The following MBD5 variants were observed in gnomAD, a reference collection of about 807,000 sequenced individuals.
The protein encoded by MBD5 is methyl-CpG binding domain protein 5.
In MBD5, 13 loss-of-function variants were observed where a neutral mutation model predicts 117.3. The ratio of observed to expected loss-of-function variants is 0.11; its 90% confidence interval spans 0.07 to 0.18. The LOEUF (loss-of-function observed/expected upper bound fraction) is 0.18. Ranked by LOEUF, MBD5 falls within the 10% of genes least tolerant of loss-of-function variation. The pLI, the probability that MBD5 is intolerant of heterozygous loss-of-function variation, is 1.00. For missense variants in MBD5, 1,879 were observed against 2,093.8 expected, an observed-to-expected ratio of 0.90 and a Z score of 2.00; for synonymous variants, 727 against 766.4, an observed-to-expected ratio of 0.95 and a Z score of 0.85.
At chr2:148,139,015 G>T (rs920428930) in intron 1 of MBD5, among the ~76,000 whole-genome samples, 1 of 152,128 alleles carries the variant, frequency 6.6e-6, no homozygotes, top group Admixed American at 6.5e-5. Flanking sequence ...TCTTTGTGAC[G>T]TTACTAATGT....
At chr2:148,116,985 A>T (rs530925298) in intron 1 of MBD5, among the ~76,000 whole-genome samples, 1 of 152,302 alleles carries the variant, frequency 6.6e-6, no homozygotes, top group South Asian at 2.1e-4. Context: ...CTATACATTA[A>T]GGTAGATCAG....
chr2:148,187,486 T>C (rs1698693403), intron 2 of MBD5, among the ~76,000 whole-genome samples: 3 of 151,876 alleles, frequency 2.0e-5, no homozygotes, highest in Admixed American at 6.6e-5. Flanking sequence ...TAACTTCAAA[T>C]AGAAAAGAAA....
At chr2:148,275,424 T>C (rs1397242771) in intron 3 of MBD5, among the ~76,000 whole-genome samples, 2 of 152,138 alleles carry the variant, frequency 1.3e-5, no homozygotes, top group African/African-American at 4.8e-5. Flanking sequence ...TTTTAAGGAA[T>C]TATCTCACGG....
chr2:148,132,406 C>T (rs1697073095), intron 1 of MBD5, among the ~76,000 whole-genome samples: 1 of 150,044 alleles, frequency 6.7e-6, no homozygotes, highest in South Asian at 2.1e-4. Context: ...TTTTACCTTA[C>T]TGTAAACAAA....
intron 2 of MBD5, among the ~76,000 whole-genome samples, chr2:148,212,587 G>T (rs764992316): frequency 7.2e-5 from 11 of 151,976 alleles, no homozygotes; most frequent in Non-Finnish European, 1.2e-4. Flanking sequence ...ACATTAAAAA[G>T]GTGTGTGTAT....
chr2:148,505,119 T>G (rs1459571900), intron 12 of MBD5, among the ~76,000 whole-genome samples: 1 of 151,562 alleles, frequency 6.6e-6, no homozygotes, highest in Non-Finnish European at 1.5e-5. Context: ...ACTTAGGAGG[T>G]AAAATAGACA....
At chr2:148,055,363 T>A (rs1431533978) in intron 1 of MBD5, 1 of 152,120 alleles carries the variant, frequency 6.6e-6, no homozygotes, top group East Asian at 1.9e-4. Context: ...AAGGATCTAA[T>A]TATTTTTGCC....
At chr2:148,238,503 G>T (rs979254341) in intron 3 of MBD5, among the ~76,000 whole-genome samples, 2 of 152,052 alleles carry the variant, frequency 1.3e-5, no homozygotes, top group Admixed American at 6.6e-5. Flanking sequence ...TCTGAAAAAT[G>T]GATTCAATAC....
intron 3 of MBD5, among the ~76,000 whole-genome samples, chr2:148,270,863 C>G (rs1700969271): frequency 6.6e-6 from 1 of 152,156 alleles, no homozygotes; most frequent in Non-Finnish European, 1.5e-5. Context: ...TCACTCAGCA[C>G]TCCTTCTGAT....
intron 3 of MBD5, among the ~76,000 whole-genome samples, chr2:148,254,407 A>C (rs1700535142): frequency 6.6e-6 from 1 of 152,176 alleles, no homozygotes; most frequent in African/African-American, 2.4e-5. Context: ...TGGAATTCAG[A>C]ACCTGAGTGG....
At chr2:148,199,015 T>C (rs12994607) in intron 2 of MBD5, among the ~76,000 whole-genome samples, 46,813 of 151,808 alleles carry the variant, frequency 0.31, 8,363 homozygotes, top group East Asian at 0.46. Context: ...TATTTATGCA[T>C]GTATATGTAC....
chr2:148,262,298 A>G (rs1314149806), intron 3 of MBD5, among the ~76,000 whole-genome samples: 1 of 152,134 alleles, frequency 6.6e-6, no homozygotes, highest in Non-Finnish European at 1.5e-5. Context: ...AGATCAAGGA[A>G]TGTTTACCAG....
intron 2 of MBD5, among the ~76,000 whole-genome samples, chr2:148,225,776 C>T (rs1699803150): frequency 6.6e-6 from 1 of 152,148 alleles, no homozygotes; most frequent in South Asian, 2.1e-4. Context: ...ATATGTCATG[C>T]CATTCTCTCT....
chr2:148,187,160 G>A (rs562558019), intron 2 of MBD5, among the ~76,000 whole-genome samples: 14 of 152,328 alleles, frequency 9.2e-5, no homozygotes, highest in African/African-American at 3.4e-4. Context: ...GTTTGGGGCT[G>A]TAGTGTGCTA....
chr2:148,180,479 G>A (rs1360458911), intron 2 of MBD5, among the ~76,000 whole-genome samples: 1 of 151,568 alleles, frequency 6.6e-6, no homozygotes, highest in Admixed American at 6.6e-5. Flanking sequence ...TAGGACTGCA[G>A]GTGTGCATTA....
intron 4 of MBD5, among the ~76,000 whole-genome samples, chr2:148,444,825 C>G (rs940092445): frequency 6.6e-6 from 1 of 150,924 alleles, no homozygotes; most frequent in African/African-American, 2.5e-5. Flanking sequence ...GCTCCCCAGA[C>G]AGTAAGCTCC....
intron 1 of MBD5, among the ~76,000 whole-genome samples, chr2:148,069,601 CA>C (rs1370207327): frequency 6.6e-6 from 1 of 151,920 alleles, no homozygotes; most frequent in Non-Finnish European, 1.5e-5. Flanking sequence ...GGAACTAGAG[CA>C]GGCAGTTTTT....
At chr2:148,466,350 C>T (rs1200323844) in intron 7 of MBD5, among the ~76,000 whole-genome samples, 1 of 152,066 alleles carries the variant, frequency 6.6e-6, no homozygotes, top group East Asian at 1.9e-4. Flanking sequence ...ATTTCAGTTA[C>T]TTTTAAAATG....
At chr2:148,270,934 T>C (rs1700971370) in intron 3 of MBD5, among the ~76,000 whole-genome samples, 1 of 152,174 alleles carries the variant, frequency 6.6e-6, no homozygotes, top group Admixed American at 6.5e-5. Flanking sequence ...TTTATTCCTT[T>C]TCCTTATTGT....
Sources: gnomAD v4.1 joint callset for allele counts (sites outside exome capture counted in the v4.1 genomes callset) on GRCh38, gnomAD v4.1.1 for gene constraint, MANE v1.5 for transcripts, NCBI Gene and HGNC (gene_info 2026-07-23, HGNC 2026-07-21) for gene names.